SAMD3: variants seen among roughly 807,000 people sequenced by gnomAD.
SAMD3 encodes sterile alpha motif domain-containing protein 3.
SAMD3 carries 63 observed loss-of-function variants against 58.5 expected under a neutral mutation model. The ratio of observed to expected loss-of-function variants is 1.08; its 90% CI spans 0.88 to 1.33. The LOEUF (loss-of-function observed/expected upper bound fraction) is 1.33, where lower values mean the gene tolerates loss of function less well. Ranked by LOEUF, SAMD3 falls within the 40% of genes most tolerant of loss-of-function variation. The pLI is 0.00. For synonymous variants in SAMD3, 220 were observed against 210.3 expected, an observed-to-expected ratio of 1.05 and a Z score of -0.40; for missense variants, 604 against 608.4, an observed-to-expected ratio of 0.99 and a Z score of 0.08.
intron 1 of SAMD3, among the ~76,000 whole-genome samples, chr6:130,318,578 G>A (rs1178000159): frequency 2.7e-5 from 4 of 146,424 alleles, no homozygotes; most frequent in East Asian, 3.9e-4. Flanking sequence ...ACAGGCACAC[G>A]CCACCATGCT....
intron 10 of SAMD3, among the ~76,000 whole-genome samples, chr6:130,145,709 CTG>C (rs1157347379): frequency 4.6e-5 from 7 of 152,136 alleles, no homozygotes. Context: ...GTAAAATTAA[CTG>C]GTTACTAGTT....
At chr6:130,280,560 A>G (rs1186666821) in intron 2 of SAMD3, among the ~76,000 whole-genome samples, 1 of 152,038 alleles carries the variant, frequency 6.6e-6, no homozygotes, top group Non-Finnish European at 1.5e-5. Context: ...TAGCTTCCCA[A>G]TTGCCTAATC....
At chr6:130,159,711 G>A (rs1331068763) in intron 8 of SAMD3, 1 of 152,118 alleles carries the variant, frequency 6.6e-6, no homozygotes, top group East Asian at 1.9e-4. Context: ...TAAAAGGCAA[G>A]GCACAAACTG....
intron 9 of SAMD3, among the ~76,000 whole-genome samples, chr6:130,150,092 T>G (rs539076133): frequency 7.2e-4 from 110 of 151,806 alleles, no homozygotes; most frequent in African/African-American, 1.9e-3. Flanking sequence ...GAATTTCAAT[T>G]TGGTTCATGT....
intron 5 of SAMD3, among the ~76,000 whole-genome samples, chr6:130,190,124 G>A (rs542814238): frequency 4.6e-4 from 62 of 135,206 alleles, no homozygotes; most frequent in African/African-American, 1.8e-3. Context: ...AACTACACAT[G>A]TGCATAACTG....
At chr6:130,344,847 A>AAT (rs1777393578) in intron 1 of SAMD3, among the ~76,000 whole-genome samples, 1 of 150,974 alleles carries the variant, frequency 6.6e-6, no homozygotes, top group East Asian at 1.9e-4. Context: ...AAAAAAAAAA[A>AAT]AAAAAAGAGA....
At chr6:130,161,221 A>C (rs1241695346) in intron 8 of SAMD3, 1 of 152,172 alleles carries the variant, frequency 6.6e-6, no homozygotes, top group Non-Finnish European at 1.5e-5. Flanking sequence ...TGTCTCATAA[A>C]CTACATATAT....
At chr6:130,287,176 A>T (rs996162149) in intron 2 of SAMD3, among the ~76,000 whole-genome samples, 9 of 152,198 alleles carry the variant, frequency 5.9e-5, no homozygotes, top group African/African-American at 2.2e-4. Context: ...TCTTTACCTA[A>T]GTTTAGTCTC....
intron 1 of SAMD3, among the ~76,000 whole-genome samples, chr6:130,351,690 T>C (rs1465321630): frequency 6.6e-6 from 1 of 152,218 alleles, no homozygotes; most frequent in East Asian, 1.9e-4. Context: ...AAATACCATT[T>C]GACCCACCCA....
At chr6:130,170,298 T>G (rs1791126590) in intron 8 of SAMD3, among the ~76,000 whole-genome samples, 1 of 152,234 alleles carries the variant, frequency 6.6e-6, no homozygotes, top group African/African-American at 2.4e-5. Context: ...ACGTGGTGTG[T>G]TTGGTTTCCT....
intron 5 of SAMD3, among the ~76,000 whole-genome samples, chr6:130,194,187 T>C (rs1483387422): frequency 1.3e-5 from 2 of 152,110 alleles, no homozygotes; most frequent in South Asian, 2.1e-4. Context: ...GAGCTAAAGG[T>C]ATAGTCAAGG....
intron 2 of SAMD3, among the ~76,000 whole-genome samples, chr6:130,275,266 T>A (rs554395994): frequency 6.6e-6 from 1 of 152,312 alleles, no homozygotes; most frequent in South Asian, 2.1e-4. Context: ...ACTTGCTGAT[T>A]TATTTTGCTT....
At chr6:130,342,335 G>T (rs1188420987) in intron 1 of SAMD3, among the ~76,000 whole-genome samples, 1 of 152,110 alleles carries the variant, frequency 6.6e-6, no homozygotes. Flanking sequence ...TTGCTATCAT[G>T]CATAAACTGA....
intron 5 of SAMD3, among the ~76,000 whole-genome samples, chr6:130,196,668 C>G (rs1208699458): frequency 1.3e-5 from 2 of 152,234 alleles, no homozygotes; most frequent in Non-Finnish European, 2.9e-5. Flanking sequence ...TGCTATTCTA[C>G]TACTCCTCAG....
At chr6:130,347,702 A>G (rs1316345597) in intron 1 of SAMD3, among the ~76,000 whole-genome samples, 3 of 152,180 alleles carry the variant, frequency 2.0e-5, no homozygotes, top group Non-Finnish European at 2.9e-5. Flanking sequence ...GCAGGCCAAT[A>G]TTCAAATTCA....
chr6:130,282,849 C>T (rs1187461643), intron 2 of SAMD3, among the ~76,000 whole-genome samples: 2 of 152,150 alleles, frequency 1.3e-5, no homozygotes, highest in Non-Finnish European at 2.9e-5. Context: ...CAGGGTGATT[C>T]TCTTGGGGCA....
At chr6:130,277,041 G>GCC in intron 2 of SAMD3, among the ~76,000 whole-genome samples, 1 of 152,136 alleles carries the variant, frequency 6.6e-6, no homozygotes, top group East Asian at 1.9e-4. Flanking sequence ...AAATAGTAAT[G>GCC]TTATCTATAA....
intron 2 of SAMD3, among the ~76,000 whole-genome samples, chr6:130,230,815 A>G (rs1796523563): frequency 6.6e-6 from 1 of 152,214 alleles, no homozygotes. Flanking sequence ...CAGAACTCTT[A>G]TGAACATCTT....
At chr6:130,275,863 C>A (rs891045237) in intron 2 of SAMD3, among the ~76,000 whole-genome samples, 1 of 152,092 alleles carries the variant, frequency 6.6e-6, no homozygotes, top group Non-Finnish European at 1.5e-5. Flanking sequence ...TTGATTATGA[C>A]CTTGCTCGGA....
Sources: gnomAD v4.1 joint callset for allele counts (sites outside exome capture counted in the v4.1 genomes callset) on GRCh38, gnomAD v4.1.1 for gene constraint, MANE v1.5 for transcripts, NCBI Gene and HGNC (gene_info 2026-07-23, HGNC 2026-07-21) for gene names.